The following FCGR2A variants were observed in gnomAD, a reference collection of about 807,000 sequenced individuals.
The protein encoded by FCGR2A is low affinity immunoglobulin gamma Fc region receptor II-a.
In FCGR2A, 18 loss-of-function variants were observed where a neutral mutation model predicts 29.3. The ratio of observed to expected loss-of-function variants is 0.62; its 90% CI spans 0.43 to 0.91. The LOEUF (loss-of-function observed/expected upper bound fraction) is 0.91. Ranked by LOEUF, FCGR2A falls within the 40% of genes least tolerant of loss-of-function variation. The pLI is 0.00. For synonymous variants in FCGR2A, 126 were observed against 144.8 expected (o/e 0.87, Z 0.93); for missense variants, 287 against 393.0 (o/e 0.73, Z 2.28).
In FCGR2A at chr1:161,509,142, A is replaced by G. The variant is rs182323324; in HGVS notation, c.365-678A>G. Among the ~76,000 whole-genome samples, 113 of 152,364 alleles carry G rather than the reference A, an allele frequency of 7.4e-4. 1 individual carries two copies. The highest frequency in any genetic ancestry group is 2.6e-3 in the African/African-American group (110 of 41,594). ...AAGGCCTCTTCCGCCATGTGAGGAC[A>G]CAGTAAGAAGCCTCAGTTCTGTGAA... is the stretch of plus-strand genomic sequence containing the variant. On this transcript the variant is annotated intron_variant, in intron 3 of 6. Coordinates refer to ENST00000271450, the MANE Select transcript of FCGR2A (RefSeq NM_001136219.3).
At chr1:161,521,405 TAGTCCAATCTCTTCATTTTAAAACGG>T (rs1676443880), downstream of FCGR2A, among the ~76,000 whole-genome samples, 1 of 151,864 alleles carries the variant, frequency 6.6e-6, no homozygotes, top group African/African-American at 2.4e-5. Context: ...AGAAACAATG[TAGTCCAATCTCTTCATTTTAAAACGG>T]AGGAAGCTGT....
chr1:161,511,061 G>T (rs1164592688), intron 5 of FCGR2A, 105 bp downstream of exon 5: 6 of 1,505,576 alleles, frequency 4.0e-6, no homozygotes, highest in Non-Finnish European at 5.5e-6. Context: ...TATGCATTCC[G>T]ATCTAGGCCC....
intron 5 of FCGR2A, 127 bp from the exon 6 acceptor site, chr1:161,513,768 A>G (rs1470646357): frequency 1.0e-5 from 14 of 1,384,058 alleles, no homozygotes; most frequent in African/African-American, 5.8e-5. Context: ...TTGGCCTTAC[A>G]GGACTGTGTC....
intron 3 of FCGR2A, among the ~76,000 whole-genome samples, 183 bp from the exon 4 acceptor site, chr1:161,509,637 T>C (rs1675631971): frequency 6.6e-6 from 1 of 152,246 alleles, no homozygotes; most frequent in Non-Finnish European, 1.5e-5. Context: ...CTTCTGCTTT[T>C]AGAAGTCCCA....
chr1:161,508,029 T>A (rs896911220), intron 3 of FCGR2A, among the ~76,000 whole-genome samples: 1 of 132,974 alleles, frequency 7.5e-6, no homozygotes, highest in Non-Finnish European at 1.5e-5. Context: ...GAGGTTGCGG[T>A]GAGCCAAGAT....
chr1:161,511,053 T>A, intron 5 of FCGR2A, 97 bp downstream of exon 5: 1 of 1,558,836 alleles, frequency 6.4e-7, no homozygotes, highest in South Asian at 1.1e-5. Context: ...GGGCTAGATA[T>A]GCATTCCGAT....
downstream of FCGR2A, among the ~76,000 whole-genome samples, chr1:161,520,382 C>T (rs1318947473): frequency 1.3e-5 from 2 of 152,038 alleles, no homozygotes; most frequent in African/African-American, 4.8e-5. Context: ...AAACCCTAAG[C>T]TCTCGTGAGA....
chr1:161,506,806 G>A, intron 3 of FCGR2A: 1 of 994,282 alleles, frequency 1.0e-6, no homozygotes, highest in Non-Finnish European at 1.4e-6. Context: ...GCATGTGTTA[G>A]GTTGTTTTTG....
chr1:161,522,538 G>A (rs1283858726), downstream of FCGR2A, among the ~76,000 whole-genome samples: 1 of 152,056 alleles, frequency 6.6e-6, no homozygotes, highest in Non-Finnish European at 1.5e-5. Context: ...CAGAACCCCA[G>A]GCTGGGCCAA....
rs375491014 is a variant in FCGR2A at position 161,508,978 on chromosome 1, T to G, written c.365-842T>G. ...GCAGGGTACAGTATGGTCTGAATGT[T>G]TCTGTGCCCCCAAAATTCATATGAT... On this transcript the variant is annotated intron_variant, in intron 3 of 6. Coordinates refer to ENST00000271450, the MANE Select transcript of FCGR2A (RefSeq NM_001136219.3). 1.1e-4 allele frequency among the ~76,000 whole-genome samples: 17 copies of G among 152,184 alleles called. No homozygotes were observed. In the East Asian group the frequency reaches 2.9e-3, roughly 26 times the overall value.
At chr1:161,509,128 C>G (rs928037521) in intron 3 of FCGR2A, among the ~76,000 whole-genome samples, 1 of 152,206 alleles carries the variant, frequency 6.6e-6, no homozygotes, top group African/African-American at 2.4e-5. Context: ...AGGCCTCTTC[C>G]GCCATGTGAG....
chr1:161,514,154 C>G (rs570056448), intron 6 of FCGR2A, among the ~76,000 whole-genome samples: 2 of 152,218 alleles, frequency 1.3e-5, no homozygotes, highest in Admixed American at 1.3e-4. Flanking sequence ...TAATACTTAA[C>G]TTGGATCATT....
intron 5 of FCGR2A, chr1:161,513,599 G>T (rs977311800): frequency 2.7e-5 from 14 of 528,280 alleles, no homozygotes; most frequent in African/African-American, 1.1e-4. Context: ...CAGTATCTCA[G>T]ATCCCCAAGC....
chr1:161,513,861 G>A (rs1452673090), intron 5 of FCGR2A, 34 bp from the exon 6 acceptor site: 28 of 1,614,116 alleles, frequency 1.7e-5, no homozygotes, highest in Non-Finnish European at 2.2e-5. Context: ...TTCAACAGCA[G>A]TGCCCTGGCT....
In FCGR2A at chr1:161,506,518, T is replaced by C. The variant is rs748385327; in HGVS notation, c.291T>C (p.Asn97=). The C allele has an allele frequency of 4.3e-6, 7 of 1,613,820 alleles. No homozygotes were observed. Among genetic ancestry groups the C allele is most frequent in the Non-Finnish European group, 5.9e-6 (7 of 1,179,928 alleles). ...QPSYRFKANN[N]DSGEYTCQTG... ...GCTACAGGTTCAAGGCCAACAACAA[T>C]GACAGCGGGGAGTACACGTGCCAGA... The change falls in exon 3 of 7, where the codon AAT becomes AAC. Residue 97 remains asparagine, a synonymous_variant. Coordinates refer to ENST00000271450, the MANE Select transcript of FCGR2A (RefSeq NM_001136219.3).
downstream of FCGR2A, chr1:161,523,459 G>C (rs575054678): frequency 1.3e-5 from 2 of 152,194 alleles, no homozygotes; most frequent in African/African-American, 4.8e-5. Context: ...GGAGCCTGCA[G>C]TAGTTTACTC....
downstream of FCGR2A, among the ~76,000 whole-genome samples, chr1:161,522,521 C>T (rs1027513712): frequency 1.1e-4 from 16 of 151,980 alleles, no homozygotes; most frequent in African/African-American, 3.1e-4. Flanking sequence ...CTTAACACGC[C>T]GGGGCACAGA....
At chr1:161,508,252 A>G (rs1045044169) in intron 3 of FCGR2A, among the ~76,000 whole-genome samples, 1 of 151,956 alleles carries the variant, frequency 6.6e-6, no homozygotes, top group Admixed American at 6.6e-5. Flanking sequence ...TTTCTGTTTT[A>G]TGCCATCTCA....
intron 3 of FCGR2A, among the ~76,000 whole-genome samples, chr1:161,509,323 A>G (rs905066613): frequency 2.0e-4 from 29 of 141,772 alleles, no homozygotes; most frequent in Non-Finnish European, 3.9e-4. Flanking sequence ...AGGGTGGATG[A>G]GGGATGATTA....
Sources: gnomAD v4.1 joint callset for allele counts (sites outside exome capture counted in the v4.1 genomes callset) on GRCh38, gnomAD v4.1.1 for gene constraint, MANE v1.5 for transcripts, NCBI Gene and HGNC (gene_info 2026-07-23, HGNC 2026-07-21) for gene names.